The following IL32 variants were observed in gnomAD, a reference collection of about 807,000 sequenced individuals.
IL32 encodes interleukin 32, also known as interleukin-32.
A neutral mutation model predicts 16.6 loss-of-function variants in IL32; 30 were observed. That is an observed-to-expected ratio of 1.81 (90% CI 1.35 to 2.45). IL32 has a LOEUF of 2.45. Among genes scored for constraint, IL32 ranks in the 30% most tolerant of loss-of-function variants. The pLI is 0.00. For synonymous variants in IL32, 70 were observed against 86.1 expected (o/e 0.81, Z 1.03); for missense variants, 234 against 229.8 (o/e 1.02, Z -0.12).
chr16:3,067,807 G>C, intron 4 of IL32, 177 bp from the exon 5 acceptor site: 1 of 831,090 alleles, frequency 1.2e-6, no homozygotes, highest in Non-Finnish European at 2.0e-6. Flanking sequence ...GACTGAGGGA[G>C]GCATCCAAGC....
intron 6 of IL32, chr16:3,068,682 A>C (rs1956712729): frequency 4.4e-6 from 2 of 451,788 alleles, no homozygotes; most frequent in Non-Finnish European, 8.2e-6. Context: ...GAGGGCTGGG[A>C]GTGACAGCCT....
intron 4 of IL32, 47 bp from the exon 5 acceptor site, chr16:3,067,937 G>T (rs748819339): frequency 1.2e-5 from 19 of 1,609,922 alleles, no homozygotes; most frequent in Non-Finnish European, 1.5e-5. Flanking sequence ...CTGATGTGGG[G>T]TGCAGAGGAG....
chr16:3,067,873 T>TGGGCCCAGCCAG, intron 4 of IL32, 111 bp from the exon 5 acceptor site: 2 of 1,313,822 alleles, frequency 1.5e-6, no homozygotes, highest in Non-Finnish European at 1.1e-6. Flanking sequence ...GGCCCCTGGC[T>TGGGCCCAGCCAG]GGGCCCAGTT....
In IL32 at chr16:3,067,563, A is replaced by C. The variant is rs115923319; in HGVS notation, c.64A>C (p.Ile22Leu). 1.7e-3 allele frequency: 2,715 copies of C among 1,613,974 alleles called. 19 individuals carry two copies. In the African/African-American group the frequency reaches 0.02, roughly 12 times the overall value. ...KKLKARMHQA[I>L]ERFYDKMQNA... ...CTGCCTCTCTTCACAGCACCAGGCC[A>C]TAGAAAGATTTTATGATAAAATGCA... The change falls in exon 4 of 7, where the codon ATA becomes CTA. Residue 22 changes from isoleucine to leucine, a missense_variant. This residue lies in a region of IL32 where 137 missense variants were observed against 80.7 expected (regional missense o/e 1.70). Transcript: ENST00000525643.
At chr16:3,067,831 G>C (rs1159981158) in intron 4 of IL32, 153 bp from the exon 5 acceptor site, 3 of 959,562 alleles carry the variant, frequency 3.1e-6, no homozygotes, top group East Asian at 2.6e-5. Context: ...AGGGCTCCTT[G>C]AGGAAACAAC....
chr16:3,067,710 C>A, intron 4 of IL32, 97 bp downstream of exon 4: 1 of 1,003,992 alleles, frequency 1.0e-6, no homozygotes, highest in Admixed American at 1.8e-5. Flanking sequence ...AAGAGGGACC[C>A]ACAGGCTCCC....
At chr16:3,066,797 C>G (rs1351986361) in intron 2 of IL32, among the ~76,000 whole-genome samples, 1 of 152,036 alleles carries the variant, frequency 6.6e-6, no homozygotes, top group Non-Finnish European at 1.5e-5. Flanking sequence ...GGCCAACTCT[C>G]ACCTGGGACC....
chr16:3,069,460 C>G lies in IL32; in HGVS notation c.*105C>G, dbSNP rs1956829288. Reference sequence around the variant, plus strand: ...TCTCCCGCACACTCAGTCCCCCTGCCTGGCGTTCCTGCCGCAGCTCTGACC... The same window carrying G: ...TCTCCCGCACACTCAGTCCCCCTGCGTGGCGTTCCTGCCGCAGCTCTGACC... On this transcript the variant is annotated 3_prime_UTR_variant, in exon 7 of 7. Transcript: ENST00000525643. The G allele has an allele frequency of 1.5e-6, 2 of 1,351,660 alleles. No individual in the cohort carries two copies. The highest frequency in any genetic ancestry group is 2.0e-6 in the Non-Finnish European group (2 of 990,682). 83.7% of individuals were successfully genotyped at this position (1,351,660 alleles called of 1,614,324 possible). A position where few individuals can be genotyped will look rare whatever the true frequency, so the allele number is the denominator to read the frequency against.
chr16:3,068,785 C>A (rs745646915), intron 6 of IL32: 21 of 779,064 alleles, frequency 2.7e-5, no homozygotes, highest in East Asian at 5.6e-5. Flanking sequence ...GCAGACACAC[C>A]CATCCTGTCA....
Position 3,068,167 on chromosome 16 carries a change from C to T in IL32, c.142-13C>T, listed in dbSNP as rs757018813. 7.7e-5 allele frequency: 124 copies of T among 1,603,804 alleles called. No homozygotes were observed. Among genetic ancestry groups the T allele is most frequent in the Non-Finnish European group, 9.7e-5 (114 of 1,175,050 alleles). On this transcript the variant is annotated splice_polypyrimidine_tract_variant and intron_variant, in intron 5 of 6. Coordinates refer to ENST00000525643, the MANE Select transcript of IL32 (RefSeq NM_001376923.1). ...AGGAGCAGCATGAACCCCCTGTGCC[C>T]TCCTCTCCCCAGGACGACTTCAAAG... is the stretch of plus-strand genomic sequence containing the variant.
chr16:3,068,919 G>T (rs1203375621), intron 6 of IL32, 71 bp from the exon 7 acceptor site: 9 of 1,602,262 alleles, frequency 5.6e-6, no homozygotes, highest in Admixed American at 3.4e-5. Flanking sequence ...AGGCTGAGAG[G>T]CCTGGGTGTG....
intron 2 of IL32, among the ~76,000 whole-genome samples, chr16:3,066,835 C>T (rs1487472949): frequency 6.6e-6 from 1 of 152,042 alleles, no homozygotes; most frequent in South Asian, 2.1e-4. Context: ...CCCAGCTGAG[C>T]CAGCCTGCTC....
chr16:3,066,613 C>G (rs979982225), intron 2 of IL32, among the ~76,000 whole-genome samples: 1 of 152,060 alleles, frequency 6.6e-6, no homozygotes, highest in African/African-American at 2.4e-5. Context: ...TGGATGCAGC[C>G]ACGTGTCTGC....
At chr16:3,066,316 G>A (rs1400665516) in intron 2 of IL32, among the ~76,000 whole-genome samples, 2 of 152,206 alleles carry the variant, frequency 1.3e-5, no homozygotes, top group African/African-American at 4.8e-5. Context: ...TCCATGATGT[G>A]GCCTGGCTCA....
At chr16:3,065,569 C>A, upstream of IL32, 2 of 615,448 alleles carry the variant, frequency 3.2e-6, no homozygotes, top group Non-Finnish European at 2.9e-6. Context: ...GCAAGGCCTC[C>A]TGCCCTGAGA....
chr16:3,067,271 C>CTGTGTGTGTGTCTCTGTG, intron 2 of IL32, 106 bp from the exon 3 acceptor site: 1 of 602,164 alleles, frequency 1.7e-6, no homozygotes, highest in South Asian at 2.1e-5. Context: ...CCATGTGTCT[C>CTGTGTGTGTGTCTCTGTG]TGTGTGTGTG....
chr16:3,067,285 G>GTGTGTGTGTGTGTT (rs1956472949), intron 2 of IL32, 92 bp from the exon 3 acceptor site: 2 of 544,422 alleles, frequency 3.7e-6, no homozygotes, highest in African/African-American at 3.9e-5. Context: ...GTGTGTGTGT[G>GTGTGTGTGTGTGTT]TGTGTGTGTG....
At chr16:3,068,288 CCT>C in intron 6 of IL32, 49 bp downstream of exon 6, 1 of 1,455,282 alleles carries the variant, frequency 6.9e-7, no homozygotes. Context: ...TCACCTCTGC[CCT>C]GTCTTTTCTT....
In IL32 at chr16:3,065,806, G is replaced by T. The variant is rs750696132; in HGVS notation, c.-6G>T. On this transcript the variant is annotated 5_prime_UTR_variant, in exon 2 of 7. Transcript: ENST00000525643. ...CAGGCCTTGGCTCCTTGAACTTTTG[G>T]CCGCCATGTGCTTCCCGAAGGTGAG... The T allele has an allele frequency of 6.2e-7, 1 of 1,614,122 alleles. No individual in the cohort carries two copies. The highest frequency in any genetic ancestry group is 1.7e-5 in the Admixed American group (1 of 60,020).
Sources: allele counts gnomAD v4.1 joint callset (sites outside exome capture counted in the v4.1 genomes callset), GRCh38; gene constraint gnomAD v4.1.1; regional missense constraint gnomAD v4.1.1; transcripts MANE v1.5; gene names NCBI Gene and HGNC (gene_info 2026-07-23, HGNC 2026-07-21).